The following ARHGEF26 variants were observed in gnomAD, a reference collection of about 807,000 sequenced individuals.
ARHGEF26 encodes the protein Rho guanine nucleotide exchange factor 26.
ARHGEF26 carries 59 observed loss-of-function variants against 89.4 expected under a neutral mutation model. The observed-to-expected ratio is 0.66, with a 90% CI of 0.54 to 0.82. ARHGEF26 has a LOEUF of 0.82. Among genes scored for constraint, ARHGEF26 ranks in the 40% least tolerant of loss-of-function variants. The pLI is 0.00. For synonymous variants in ARHGEF26, 500 were observed against 428.4 expected, an observed-to-expected ratio of 1.17 and a Z score of -2.06; for missense variants, 1,234 against 1,085.6, an observed-to-expected ratio of 1.14 and a Z score of -1.92.
At chr3:154,239,081 G>T (rs1717294826) in intron 11 of ARHGEF26, among the ~76,000 whole-genome samples, 1 of 152,084 alleles carries the variant, frequency 6.6e-6, no homozygotes, top group Non-Finnish European at 1.5e-5. Flanking sequence ...GTAGTTGATG[G>T]TAATGACAAG....
chr3:154,244,156 ACTTACT>A (rs1187911688), intron 12 of ARHGEF26, among the ~76,000 whole-genome samples: 1 of 152,198 alleles, frequency 6.6e-6, no homozygotes, highest in Non-Finnish European at 1.5e-5. Context: ...TAATTTCACT[ACTTACT>A]CTTTGACCTG....
chr3:154,232,393 A>G (rs929354333), intron 11 of ARHGEF26, among the ~76,000 whole-genome samples: 3 of 152,124 alleles, frequency 2.0e-5, no homozygotes, highest in African/African-American at 7.2e-5. Context: ...CATGTTTGTT[A>G]GACTTCAGAA....
intron 12 of ARHGEF26, among the ~76,000 whole-genome samples, chr3:154,242,187 A>C (rs1717515703): frequency 6.6e-6 from 1 of 152,218 alleles, no homozygotes; most frequent in Non-Finnish European, 1.5e-5. Flanking sequence ...TGAAAAAAGA[A>C]ATATATTTCA....
intron 7 of ARHGEF26, among the ~76,000 whole-genome samples, chr3:154,188,845 G>A (rs1328739290): frequency 6.6e-6 from 1 of 152,158 alleles, no homozygotes; most frequent in Non-Finnish European, 1.5e-5. Flanking sequence ...AGCCAGGGTG[G>A]AAAACACACA....
rs539752692 is a variant in ARHGEF26 at position 154,171,659 on chromosome 3, G to A, written c.1488-16026G>A. On this transcript the variant is annotated intron_variant, in intron 6 of 14. Coordinates refer to ENST00000465093, the MANE Select transcript of ARHGEF26 (RefSeq NM_015595.4). The stretch of plus-strand genomic sequence containing the variant: ...ACATAGTCTTTTGAGATGGCTATGA[G>A]ACATAAGAGGCACTATTGAACAGGC... Among the ~76,000 whole-genome samples, 21 of 152,248 alleles carry A rather than the reference G, an allele frequency of 1.4e-4. 1 individual carries two copies. Among genetic ancestry groups the A allele is most frequent in the African/African-American group, 5.1e-4 (21 of 41,536 alleles).
chr3:154,186,710 T>A (rs1455022628), intron 6 of ARHGEF26, among the ~76,000 whole-genome samples: 1 of 151,386 alleles, frequency 6.6e-6, no homozygotes, highest in East Asian at 2.0e-4. Flanking sequence ...TGCAGTGAGG[T>A]GAGATAATGC....
At chr3:154,247,849 C>T (rs1717894161) in intron 12 of ARHGEF26, among the ~76,000 whole-genome samples, 1 of 152,162 alleles carries the variant, frequency 6.6e-6, no homozygotes. Flanking sequence ...GTCATGGTAT[C>T]GTCAATGAGA....
At chr3:154,146,322 C>T (rs1172124251) in intron 4 of ARHGEF26, among the ~76,000 whole-genome samples, 1 of 152,152 alleles carries the variant, frequency 6.6e-6, no homozygotes, top group Non-Finnish European at 1.5e-5. Flanking sequence ...AATACCATCA[C>T]CTTGGGGGTT....
At position 154,256,534 on chromosome 3, in the gene ARHGEF26, A is replaced by C. The variant is rs1327258682; in HGVS notation, c.*1061A>C. The C allele has an allele frequency of 1.0e-6, 1 of 952,702 alleles. No individual in the cohort carries two copies. The highest frequency in any genetic ancestry group is 1.2e-6 in the Non-Finnish European group (1 of 812,048). 59.0% of individuals were successfully genotyped at this position (952,702 alleles called of 1,614,324 possible). A position where few individuals can be genotyped will look rare whatever the true frequency, so the allele number is the denominator to read the frequency against. ...AGGCATGAGCCACCGTGCCCAGCCT[A>C]CTTTCTAATTAATTAAAAAAAAAAA... is the stretch of plus-strand genomic sequence containing the variant. On this transcript the variant is annotated 3_prime_UTR_variant, in exon 15 of 15. Transcript: ENST00000465093.
intron 7 of ARHGEF26, among the ~76,000 whole-genome samples, chr3:154,190,976 T>G (rs1352146158): frequency 6.6e-6 from 1 of 152,188 alleles, no homozygotes; most frequent in Non-Finnish European, 1.5e-5. Context: ...GACCCATATA[T>G]TCACCATTAT....
intron 6 of ARHGEF26, among the ~76,000 whole-genome samples, chr3:154,186,165 A>ACACACACAC (rs766757043): frequency 1.3e-5 from 2 of 150,256 alleles, no homozygotes; most frequent in African/African-American, 4.9e-5. Context: ...ACACACACAC[A>ACACACACAC]CCCCTATACA....
At chr3:154,219,070 T>C (rs896435116) in intron 10 of ARHGEF26, among the ~76,000 whole-genome samples, 2 of 152,326 alleles carry the variant, frequency 1.3e-5, no homozygotes, top group South Asian at 2.1e-4. Context: ...ACGCACACTT[T>C]AAATAGTTTT....
intron 9 of ARHGEF26, among the ~76,000 whole-genome samples, chr3:154,212,108 G>A (rs1377659167): frequency 6.6e-6 from 1 of 152,114 alleles, no homozygotes; most frequent in Non-Finnish European, 1.5e-5. Context: ...GGAGGCTGAG[G>A]TAGGCGTATT....
chr3:154,193,796 C>G (rs1714101342), intron 8 of ARHGEF26, among the ~76,000 whole-genome samples: 1 of 152,014 alleles, frequency 6.6e-6, no homozygotes, highest in Non-Finnish European at 1.5e-5. Flanking sequence ...ATAAATATAT[C>G]AACAGAAAAC....
At chr3:154,234,142 T>C (rs1716971453) in intron 11 of ARHGEF26, among the ~76,000 whole-genome samples, 1 of 152,142 alleles carries the variant, frequency 6.6e-6, no homozygotes, top group Admixed American at 6.6e-5. Context: ...TTTAAAACAA[T>C]GTAAGCGGGT....
chr3:154,172,558 G>T (rs555349997), intron 6 of ARHGEF26, among the ~76,000 whole-genome samples: 1 of 152,164 alleles, frequency 6.6e-6, no homozygotes, highest in African/African-American at 2.4e-5. Context: ...GCTGGGCGTG[G>T]TGGTGTGTGC....
chr3:154,217,378 G>T (rs1255756554), intron 9 of ARHGEF26, among the ~76,000 whole-genome samples: 1 of 151,918 alleles, frequency 6.6e-6, no homozygotes, highest in Non-Finnish European at 1.5e-5. Flanking sequence ...TTTCTGATGG[G>T]GTTGTTTGTT....
At chr3:154,239,642 C>T (rs750004238) in intron 11 of ARHGEF26, among the ~76,000 whole-genome samples, 4 of 151,942 alleles carry the variant, frequency 2.6e-5, no homozygotes, top group African/African-American at 4.8e-5. Flanking sequence ...GAAGACTTTA[C>T]TAGTTTCTTA....
At chr3:154,228,096 T>C (rs1716598469) in intron 11 of ARHGEF26, among the ~76,000 whole-genome samples, 1 of 152,066 alleles carries the variant, frequency 6.6e-6, no homozygotes, top group South Asian at 2.1e-4. Flanking sequence ...TTTGAACTTG[T>C]ATTATTAATA....
Sources: gnomAD v4.1 joint callset for allele counts (sites outside exome capture counted in the v4.1 genomes callset) on GRCh38, gnomAD v4.1.1 for gene constraint, MANE v1.5 for transcripts, NCBI Gene and HGNC (gene_info 2026-07-23, HGNC 2026-07-21) for gene names.